Variants in BAIAP2L1 observed in about 807,000 individuals in gnomAD.
BAIAP2L1 encodes BAR/IMD domain-containing adapter protein 2-like 1.
In BAIAP2L1, 35 loss-of-function variants were observed where a neutral mutation model predicts 66.3. The observed-to-expected ratio is 0.53, with a 90% CI of 0.40 to 0.70. The LOEUF is 0.70. BAIAP2L1 is among the 30% of genes least tolerant of loss of function. The pLI is 0.00. For missense variants in BAIAP2L1, 622 were observed against 656.9 expected (o/e 0.95, Z 0.58); for synonymous variants, 269 against 248.7 (o/e 1.08, Z -0.77).
In BAIAP2L1 at chr7:98,347,173, C is replaced by T. The variant is rs1404960764; in HGVS notation, c.214+7869G>A. On this transcript the variant is annotated intron_variant, in intron 3 of 13. Transcript: ENST00000005260. ...AAAAGATGCTCGCCCTATCCTAAGC[C>T]ATGAGAAGGTGGTAAGCCCTATTTA... Among the ~76,000 whole-genome samples the T allele has an allele frequency of 8.7e-3, 4 of 458 alleles. No individual in the cohort carries two copies. In the East Asian group the frequency reaches 0.15, roughly 17 times the overall value. The allele number at this position is 458 out of a possible 152,430, so 0.3% of individuals were successfully genotyped here. A position where few individuals can be genotyped will look rare whatever the true frequency, so the allele number is the denominator to read the frequency against.
rs1359424727 is a variant in BAIAP2L1, at chr7:98,330,388, T to C, written c.215-10090A>G. 2.6e-5 allele frequency among the ~76,000 whole-genome samples: 4 copies of C among 152,192 alleles called. No individual in the cohort carries two copies. In the East Asian group the frequency reaches 7.7e-4, roughly 29 times the overall value. The stretch of plus-strand genomic sequence containing the variant: ...TAAAGGAGGTTTAGGCCAGGCGTGG[T>C]GGCTCACACCTGTAATGCCAGCACT... On this transcript the variant is annotated intron_variant, in intron 3 of 13. Coordinates refer to ENST00000005260, the MANE Select transcript of BAIAP2L1 (RefSeq NM_018842.5).
chr7:98,304,166 C>T (rs1800539323), intron 12 of BAIAP2L1, 30 bp downstream of exon 12: 1 of 1,536,748 alleles, frequency 6.5e-7, no homozygotes. Context: ...GAGTCCAGGA[C>T]CCAGGACGCC....
At chr7:98,331,035 A>T (rs1801483565) in intron 3 of BAIAP2L1, among the ~76,000 whole-genome samples, 1 of 152,220 alleles carries the variant, frequency 6.6e-6, no homozygotes, top group Non-Finnish European at 1.5e-5. Flanking sequence ...ATCAAATAGA[A>T]ACTCAAAGAT....
chr7:98,380,123 G>C (rs1343738186), intron 1 of BAIAP2L1, among the ~76,000 whole-genome samples: 1 of 151,050 alleles, frequency 6.6e-6, no homozygotes, highest in African/African-American at 2.4e-5. Context: ...TGTCACCCAG[G>C]CTGGAGTGCA....
chr7:98,297,495 G>C (rs1800240975), intron 12 of BAIAP2L1, among the ~76,000 whole-genome samples: 1 of 152,186 alleles, frequency 6.6e-6, no homozygotes, highest in African/African-American at 2.4e-5. Flanking sequence ...TGAGCAGAAT[G>C]GAACAGCCCT....
intron 1 of BAIAP2L1, among the ~76,000 whole-genome samples, chr7:98,379,125 C>T (rs1157819969): frequency 6.6e-6 from 1 of 152,034 alleles, no homozygotes; most frequent in African/African-American, 2.4e-5. Flanking sequence ...GCGATCCGCC[C>T]GCTTCAGCCT....
chr7:98,350,656 C>T (rs1801979862), intron 3 of BAIAP2L1, among the ~76,000 whole-genome samples: 1 of 152,106 alleles, frequency 6.6e-6, no homozygotes, highest in African/African-American at 2.4e-5. Flanking sequence ...GAGACTTCGT[C>T]TCAAGAACAA....
chr7:98,299,201 T>C (rs1800316210), intron 12 of BAIAP2L1, among the ~76,000 whole-genome samples: 1 of 151,988 alleles, frequency 6.6e-6, no homozygotes, highest in Non-Finnish European at 1.5e-5. Flanking sequence ...GTATTTTTAG[T>C]AGAGACAGGG....
chr7:98,297,139 C>T (rs1037156192), intron 12 of BAIAP2L1, among the ~76,000 whole-genome samples: 1 of 152,204 alleles, frequency 6.6e-6, no homozygotes, highest in African/African-American at 2.4e-5. Context: ...GACTATAGAG[C>T]GAGGCCACCA....
intron 11 of BAIAP2L1, 84 bp downstream of exon 11, chr7:98,306,355 G>A: frequency 3.3e-6 from 5 of 1,519,342 alleles, no homozygotes; most frequent in Admixed American, 1.7e-5. Context: ...CAGGGCCTGC[G>A]ACACAGCTAG....
At chr7:98,378,234 G>A (rs928623362) in intron 1 of BAIAP2L1, among the ~76,000 whole-genome samples, 1 of 150,994 alleles carries the variant, frequency 6.6e-6, no homozygotes, top group Non-Finnish European at 1.5e-5. Context: ...TAACACGACT[G>A]GAAATAGCTA....
chr7:98,357,141 T>C (rs13246868), intron 2 of BAIAP2L1, among the ~76,000 whole-genome samples: 53,020 of 136,196 alleles, frequency 0.39, 11,813 homozygotes, highest in Middle Eastern at 0.57. Flanking sequence ...CTTGCCTGAG[T>C]CACCCAAAGT....
At chr7:98,300,882 C>T (rs890426181) in intron 12 of BAIAP2L1, among the ~76,000 whole-genome samples, 7 of 152,158 alleles carry the variant, frequency 4.6e-5, no homozygotes, top group African/African-American at 7.2e-5. Context: ...GTGTTTTTGC[C>T]GAAGCTCGTG....
At chr7:98,341,841 G>A (rs891328165) in intron 3 of BAIAP2L1, among the ~76,000 whole-genome samples, 1 of 152,030 alleles carries the variant, frequency 6.6e-6, no homozygotes, top group Non-Finnish European at 1.5e-5. Flanking sequence ...TGCTATTTTT[G>A]TGGAAGAATT....
chr7:98,330,829 G>A (rs1801479292), intron 3 of BAIAP2L1, among the ~76,000 whole-genome samples: 1 of 139,448 alleles, frequency 7.2e-6, no homozygotes, highest in South Asian at 2.4e-4. Flanking sequence ...GAGTGGGAGG[G>A]GTGCCCTCTC....
chr7:98,339,940 G>A (rs965281049), intron 3 of BAIAP2L1, among the ~76,000 whole-genome samples: 1 of 152,164 alleles, frequency 6.6e-6, no homozygotes, highest in Admixed American at 6.5e-5. Context: ...CCAATTATCC[G>A]GCCCAGTTGT....
chr7:98,369,299 G>A (rs1030249392), intron 1 of BAIAP2L1, among the ~76,000 whole-genome samples: 12 of 152,060 alleles, frequency 7.9e-5, no homozygotes, highest in Non-Finnish European at 1.5e-4. Flanking sequence ...CCTGGGCAAC[G>A]TGGTGAAACC....
Position 98,310,543 on chromosome 7 carries a change from G to T in BAIAP2L1, c.857C>A (p.Pro286His). Residue 286 changes from proline (P) to histidine (H), a missense_variant, in exon 9 of 14, where the codon CCC (proline) becomes CAC (histidine). Transcript: ENST00000005260. ...GGTATATGCTCTGCCTGAAGGAGCGGGGGGCATCTTTGGTGAGCATTTAGA... is the reference window on the plus strand; with the variant it reads ...GGTATATGCTCTGCCTGAAGGAGCGTGGGGCATCTTTGGTGAGCATTTAGA... ...TLSKCSPKMP[P>H]APSGRAYTSP... is the part of the protein sequence containing the mutation. 6.3e-7 allele frequency: 1 copy of T among 1,595,624 alleles called. No homozygotes were observed. The highest frequency in any genetic ancestry group is 8.5e-7 in the Non-Finnish European group (1 of 1,174,904).
intron 1 of BAIAP2L1, chr7:98,386,608 C>T: frequency 1.5e-6 from 2 of 1,369,422 alleles, no homozygotes; most frequent in Middle Eastern, 2.7e-4. Flanking sequence ...GAGCCAAAAG[C>T]AGGAATCAAC....
Sources: gnomAD v4.1 joint callset for allele counts (sites outside exome capture counted in the v4.1 genomes callset) on GRCh38, gnomAD v4.1.1 for gene constraint, MANE v1.5 for transcripts, NCBI Gene and HGNC (gene_info 2026-07-23, HGNC 2026-07-21) for gene names.